The following GABBR2 variants were observed in gnomAD, a reference collection of about 807,000 sequenced individuals.
GABBR2 encodes the protein gamma-aminobutyric acid type B receptor subunit 2.
Under a neutral mutation model 105.6 loss-of-function variants are expected in GABBR2, and 23 were observed. The observed-to-expected ratio is 0.22, with a 90% CI of 0.16 to 0.31. The LOEUF is 0.31. Among genes scored for constraint, GABBR2 ranks in the 10% least tolerant of loss-of-function variants. The pLI is 1.00. For synonymous variants in GABBR2, 478 were observed against 499.7 expected (o/e 0.96, Z 0.58); for missense variants, 734 against 1,245.5 (o/e 0.59, Z 6.18).
chr9:98,577,230 C>CGAATGGATGGGTGG (rs1554718819), intron 2 of GABBR2, among the ~76,000 whole-genome samples: 1 of 2,240 alleles, frequency 4.5e-4, no homozygotes, highest in Non-Finnish European at 1.0e-3. Flanking sequence ...ATGGATGGAG[C>CGAATGGATGGGTGG]AAAAAAGTAA....
rs1408743759 is a variant in GABBR2, at chr9:98,289,293, TAC to T, written c.*1289_*1290del. ...CAGGTGTTTTAGTTCAACCCCAAGT[TAC>T]AGAGGGGAAACTGAGGCTCAGAGAG... On this transcript the variant is annotated 3_prime_UTR_variant, in exon 19 of 19. Transcript: ENST00000259455. The T allele has an allele frequency of 6.6e-6, 1 of 152,264 alleles. No individual in the cohort carries two copies. The highest frequency in any genetic ancestry group is 1.5e-5 in the Non-Finnish European group (1 of 68,112). 9.4% of individuals were successfully genotyped at this position (152,264 alleles called of 1,614,324 possible). A position where few individuals can be genotyped will look rare whatever the true frequency, so the allele number is the denominator to read the frequency against.
intron 3 of GABBR2, among the ~76,000 whole-genome samples, chr9:98,527,054 G>A (rs1196493886): frequency 1.4e-5 from 2 of 147,998 alleles, no homozygotes; most frequent in African/African-American, 4.9e-5. Flanking sequence ...CAATATTAAC[G>A]ACAATAACAT....
At chr9:98,609,743 C>T (rs993189302) in intron 1 of GABBR2, among the ~76,000 whole-genome samples, 1 of 152,154 alleles carries the variant, frequency 6.6e-6, no homozygotes, top group African/African-American at 2.4e-5. Context: ...GCTCCAGGCT[C>T]CTTGGGTGCC....
intron 7 of GABBR2, among the ~76,000 whole-genome samples, chr9:98,443,437 G>A (rs1826067820): frequency 6.6e-6 from 1 of 152,188 alleles, no homozygotes; most frequent in Admixed American, 6.5e-5. Context: ...GACAGCAGAA[G>A]GAGTAGGTTT....
intron 7 of GABBR2, among the ~76,000 whole-genome samples, chr9:98,425,767 C>G (rs1037711486): frequency 6.6e-6 from 1 of 152,114 alleles, no homozygotes; most frequent in Non-Finnish European, 1.5e-5. Context: ...CTCAGGTCTG[C>G]GGAACTCTGA....
intron 1 of GABBR2, among the ~76,000 whole-genome samples, chr9:98,587,048 T>C (rs1384243311): frequency 6.6e-6 from 1 of 152,234 alleles, no homozygotes; most frequent in African/African-American, 2.4e-5. Flanking sequence ...AACAGCAGTG[T>C]TTTAGAGATC....
chr9:98,543,077 G>A (rs1452974371), intron 2 of GABBR2, among the ~76,000 whole-genome samples: 2 of 151,998 alleles, frequency 1.3e-5, no homozygotes, highest in Non-Finnish European at 2.9e-5. Context: ...GCTGTCCATC[G>A]TTCTCTTTAT....
chr9:98,333,607 C>T (rs960743828), intron 13 of GABBR2, among the ~76,000 whole-genome samples: 2 of 152,124 alleles, frequency 1.3e-5, no homozygotes, highest in Non-Finnish European at 2.9e-5. Flanking sequence ...GAGTTTAGGG[C>T]CCATCCGGGT....
At chr9:98,623,010 G>C (rs932764097) in intron 1 of GABBR2, among the ~76,000 whole-genome samples, 2 of 152,212 alleles carry the variant, frequency 1.3e-5, no homozygotes, top group African/African-American at 4.8e-5. Flanking sequence ...CACTCTGGTG[G>C]GGATGTTGAT....
chr9:98,625,304 C>G (rs1304599338), intron 1 of GABBR2, among the ~76,000 whole-genome samples: 1 of 152,210 alleles, frequency 6.6e-6, no homozygotes, highest in African/African-American at 2.4e-5. Flanking sequence ...GTCACTGATG[C>G]CCGGCTCAGG....
intron 5 of GABBR2, among the ~76,000 whole-genome samples, chr9:98,480,454 T>C (rs1177730495): frequency 6.6e-6 from 1 of 152,204 alleles, no homozygotes; most frequent in African/African-American, 2.4e-5. Flanking sequence ...AAATCATAGT[T>C]GCTTCACATG....
intron 1 of GABBR2, among the ~76,000 whole-genome samples, chr9:98,628,089 T>C (rs555490538): frequency 3.3e-5 from 5 of 152,364 alleles, no homozygotes; most frequent in African/African-American, 1.2e-4. Context: ...TTAAGCACCG[T>C]TACAAGTAGC....
intron 13 of GABBR2, among the ~76,000 whole-genome samples, chr9:98,347,025 T>A (rs1831314524): frequency 6.6e-6 from 1 of 152,236 alleles, no homozygotes; most frequent in South Asian, 2.1e-4. Flanking sequence ...GAACTGTGAA[T>A]AATGCAATAA....
At chr9:98,624,825 C>G (rs528565843) in intron 1 of GABBR2, among the ~76,000 whole-genome samples, 2 of 152,320 alleles carry the variant, frequency 1.3e-5, no homozygotes, top group South Asian at 4.1e-4. Context: ...CCGGGGCAGA[C>G]AGGGAGGCAG....
chr9:98,630,963 C>T lies in GABBR2; in HGVS notation c.322-52891G>A, dbSNP rs541344784. Among the ~76,000 whole-genome samples, 47 of 152,284 alleles carry T rather than the reference C, an allele frequency of 3.1e-4. No individual in the cohort carries two copies. The East Asian group carries it at 5.2e-3, about 17-fold the overall frequency. ...CCATTTCAAGTACTCACTAGCCACA[C>T]GTGGCTGGTGGCTACCATTTGAGAC... is the stretch of plus-strand genomic sequence containing the variant. On this transcript the variant is annotated intron_variant, in intron 1 of 18. Coordinates refer to ENST00000259455, the MANE Select transcript of GABBR2 (RefSeq NM_005458.8).
chr9:98,359,326 G>A (rs2131439414), intron 13 of GABBR2, among the ~76,000 whole-genome samples: 2 of 152,252 alleles, frequency 1.3e-5, no homozygotes, highest in East Asian at 3.9e-4. Context: ...TACTTGGGAG[G>A]CTGAGGCATG....
intron 12 of GABBR2, among the ~76,000 whole-genome samples, chr9:98,366,952 A>G (rs1424498162): frequency 6.6e-6 from 1 of 152,218 alleles, no homozygotes; most frequent in East Asian, 1.9e-4. Context: ...ATTTGGTCCT[A>G]GTATGAGGCA....
At chr9:98,518,329 T>G (rs1004858756) in intron 3 of GABBR2, among the ~76,000 whole-genome samples, 2 of 147,886 alleles carry the variant, frequency 1.4e-5, no homozygotes, top group African/African-American at 2.5e-5. Context: ...GATATAAGTT[T>G]TTCAGGTAGA....
At chr9:98,335,837 C>G (rs1204763025) in intron 13 of GABBR2, among the ~76,000 whole-genome samples, 1 of 120,838 alleles carries the variant, frequency 8.3e-6, no homozygotes, top group Non-Finnish European at 1.8e-5. Context: ...GGAAGCTTGT[C>G]CATCATCCAT....
Sources: allele counts gnomAD v4.1 joint callset (sites outside exome capture counted in the v4.1 genomes callset), GRCh38; gene constraint gnomAD v4.1.1; transcripts MANE v1.5; gene names NCBI Gene and HGNC (gene_info 2026-07-23, HGNC 2026-07-21).